The following CDH2 variants were observed in gnomAD, a reference collection of about 807,000 sequenced individuals.
The protein encoded by CDH2 is cadherin-2.
A neutral mutation model predicts 92.0 loss-of-function variants in CDH2; 17 were observed. The observed-to-expected ratio is 0.18, with a 90% CI of 0.13 to 0.28. CDH2 has a LOEUF of 0.28. Ranked by LOEUF, CDH2 falls within the 10% of genes least tolerant of loss-of-function variation. CDH2 has a pLI of 1.00. For synonymous variants in CDH2, 419 were observed against 415.9 expected (o/e 1.01, Z -0.09); for missense variants, 862 against 1,133.1 (o/e 0.76, Z 3.44).
chr18:28,124,936 C>G (rs2015652279), intron 2 of CDH2, among the ~76,000 whole-genome samples: 2 of 152,192 alleles, frequency 1.3e-5, no homozygotes, highest in African/African-American at 4.8e-5. Context: ...GCATTAGACA[C>G]AAATATGAGT....
At chr18:27,937,228 C>T (rs888205311) in intron 6 of CDH2, among the ~76,000 whole-genome samples, 4 of 151,938 alleles carry the variant, frequency 2.6e-5, no homozygotes, top group Non-Finnish European at 5.9e-5. Context: ...GGTAAAAATC[C>T]ATCTTTATGA....
rs576048035 is a variant in CDH2, at chr18:28,146,674, T to C, written c.172+999A>G. 2.6e-5 allele frequency: 4 copies of C among 152,228 alleles called. No homozygotes were observed. In the South Asian group the frequency reaches 6.2e-4, roughly 24 times the overall value. 9.4% of individuals were successfully genotyped at this position (152,228 alleles called of 1,614,324 possible). A position where few individuals can be genotyped will look rare whatever the true frequency, so the allele number is the denominator to read the frequency against. ...AGGCCATTTACATTTCAAAGTCCTC[T>C]GTCTATGGTATTCTTAAGTACTATA... On this transcript the variant is annotated intron_variant, in intron 2 of 15. Coordinates refer to ENST00000269141, the MANE Select transcript of CDH2 (RefSeq NM_001792.5).
chr18:28,057,768 T>C (rs765699924), intron 2 of CDH2, among the ~76,000 whole-genome samples: 13 of 152,304 alleles, frequency 8.5e-5, no homozygotes, highest in East Asian at 1.9e-4. Context: ...TGCACCTGAA[T>C]TGGACAATCG....
intron 2 of CDH2, among the ~76,000 whole-genome samples, chr18:28,110,707 T>G (rs573743004): frequency 1.8e-4 from 27 of 152,274 alleles, no homozygotes; most frequent in Admixed American, 1.5e-3. Flanking sequence ...CAATGCATAC[T>G]GTAATTGCTA....
At chr18:28,133,814 C>T (rs911325470) in intron 2 of CDH2, among the ~76,000 whole-genome samples, 5 of 151,994 alleles carry the variant, frequency 3.3e-5, no homozygotes, top group South Asian at 2.1e-4. Context: ...ACTGCAAAAC[C>T]GTGATGCTGC....
chr18:28,005,062 A>C (rs547778769), intron 6 of CDH2, among the ~76,000 whole-genome samples: 1 of 152,340 alleles, frequency 6.6e-6, no homozygotes, highest in South Asian at 2.1e-4. Flanking sequence ...CTCTCTGAAC[A>C]CCACGCCATC....
At position 28,031,080 on chromosome 18, in the gene CDH2, G is replaced by C. The variant is rs1214609354; in HGVS notation, c.173-17171C>G. ...GTCTAAACCGTGACCACTCCACTGA[G>C]ATCTAGTATCCTACATCTAACTGCC... On this transcript the variant is annotated intron_variant, in intron 2 of 15. Transcript: ENST00000269141. Among the ~76,000 whole-genome samples the C allele has an allele frequency of 2.0e-5, 3 of 151,000 alleles. No individual in the cohort carries two copies. The East Asian group carries it at 5.9e-4, about 30-fold the overall frequency.
intron 11 of CDH2, among the ~76,000 whole-genome samples, chr18:27,987,064 T>C (rs1401166407): frequency 2.0e-5 from 3 of 152,168 alleles, no homozygotes; most frequent in Non-Finnish European, 4.4e-5. Context: ...AGGTCACTTC[T>C]CTCTCTTATC....
chr18:28,144,978 A>G (rs986210979), intron 2 of CDH2, among the ~76,000 whole-genome samples: 3 of 152,096 alleles, frequency 2.0e-5, no homozygotes, highest in Admixed American at 2.0e-4. Flanking sequence ...TGTACATTTC[A>G]TGCTTCTTCT....
At chr18:27,989,408 C>T (rs2143966108) in intron 10 of CDH2, among the ~76,000 whole-genome samples, 1 of 152,126 alleles carries the variant, frequency 6.6e-6, no homozygotes, top group East Asian at 1.9e-4. Context: ...ATCTTGATTT[C>T]AGTGAATAGA....
At chr18:28,097,266 A>C (rs2015151020) in intron 2 of CDH2, 1 of 152,306 alleles carries the variant, frequency 6.6e-6, no homozygotes, top group Middle Eastern at 3.4e-3. Flanking sequence ...TAGAAAAAAG[A>C]GACCAAAAAG....
At chr18:28,037,986 A>C (rs1268797315) in intron 2 of CDH2, among the ~76,000 whole-genome samples, 1 of 152,190 alleles carries the variant, frequency 6.6e-6, no homozygotes. Context: ...ACGGTAATTG[A>C]AGGGAAGTAA....
chr18:27,983,398 C>T (rs2143947581), intron 13 of CDH2, among the ~76,000 whole-genome samples: 1 of 152,270 alleles, frequency 6.6e-6, no homozygotes, highest in African/African-American at 2.4e-5. Context: ...TTCCCTTTGG[C>T]TTGCTAGAGG....
chr18:27,938,312 A>C (rs1224930076), intron 6 of CDH2, among the ~76,000 whole-genome samples: 1 of 152,200 alleles, frequency 6.6e-6, no homozygotes, highest in Admixed American at 6.5e-5. Context: ...ATTTCTTTAT[A>C]GGCAATGTGA....
chr18:28,157,659 G>C, intron 1 of CDH2, among the ~76,000 whole-genome samples: 1 of 152,164 alleles, frequency 6.6e-6, no homozygotes, highest in Admixed American at 6.5e-5. Flanking sequence ...TGTCCTATAT[G>C]AATTGAGACT....
intron 2 of CDH2, among the ~76,000 whole-genome samples, chr18:28,146,015 T>G (rs1234694528): frequency 6.6e-6 from 1 of 152,092 alleles, no homozygotes; most frequent in Non-Finnish European, 1.5e-5. Flanking sequence ...AAAAAGACAC[T>G]GGCAAAAAGC....
intron 2 of CDH2, among the ~76,000 whole-genome samples, chr18:28,022,189 G>A (rs577564222): frequency 3.2e-4 from 48 of 151,920 alleles, no homozygotes; most frequent in African/African-American, 1.1e-3. Flanking sequence ...ATACAGGAAT[G>A]ATTTTTTTTT....
chr18:27,984,908 G>T, intron 13 of CDH2, 92 bp downstream of exon 13: 1 of 924,892 alleles, frequency 1.1e-6, no homozygotes. Flanking sequence ...AGGGTTGTTA[G>T]ACTACTTTGC....
chr18:28,102,539 G>C (rs1337885760), intron 2 of CDH2, among the ~76,000 whole-genome samples: 1 of 152,174 alleles, frequency 6.6e-6, no homozygotes, highest in Non-Finnish European at 1.5e-5. Flanking sequence ...ATCCAGTAGT[G>C]ACTGACAGTA....
Sources: gnomAD v4.1 joint callset for allele counts (sites outside exome capture counted in the v4.1 genomes callset) on GRCh38, gnomAD v4.1.1 for gene constraint, MANE v1.5 for transcripts, NCBI Gene and HGNC (gene_info 2026-07-23, HGNC 2026-07-21) for gene names.